The following DIP2C variants were observed in gnomAD, a reference collection of about 807,000 sequenced individuals.
DIP2C encodes disco-interacting protein 2 homolog C.
Under a neutral mutation model 192.4 loss-of-function variants are expected in DIP2C, and 33 were observed. That is an observed-to-expected ratio of 0.17 (90% CI 0.13 to 0.23). The LOEUF (loss-of-function observed/expected upper bound fraction) is 0.23, where lower values mean the gene tolerates loss of function less well. DIP2C is among the 10% of genes least tolerant of loss of function. The pLI is 1.00. For synonymous variants in DIP2C, 979 were observed against 864.1 expected, an observed-to-expected ratio of 1.13 and a Z score of -2.33; for missense variants, 1,537 against 2,110.1, an observed-to-expected ratio of 0.73 and a Z score of 5.32.
chr10:567,933 A>G (rs1849546931), intron 1 of DIP2C, among the ~76,000 whole-genome samples: 1 of 152,124 alleles, frequency 6.6e-6, no homozygotes, highest in African/African-American at 2.4e-5. Context: ...CCTGGCCGAG[A>G]AGTGTTTGAT....
At chr10:510,177 A>AC (rs1049727934) in intron 1 of DIP2C, among the ~76,000 whole-genome samples, 3 of 152,150 alleles carry the variant, frequency 2.0e-5, no homozygotes, top group African/African-American at 7.2e-5. Context: ...CCTGGGGGCT[A>AC]CCCCACTTTA....
chr10:640,462 CCTCGGACTCTG>C (rs923142838), intron 1 of DIP2C, among the ~76,000 whole-genome samples: 2 of 152,198 alleles, frequency 1.3e-5, no homozygotes, highest in Non-Finnish European at 2.9e-5. Flanking sequence ...GCCCTGACAG[CCTCGGACTCTG>C]CTCCCCTCTG....
At chr10:343,825 T>C (rs746719828) in intron 28 of DIP2C, among the ~76,000 whole-genome samples, 1 of 152,136 alleles carries the variant, frequency 6.6e-6, no homozygotes, top group Non-Finnish European at 1.5e-5. Flanking sequence ...CGAGAGCTTG[T>C]GATCAGACAC....
chr10:567,747 C>T (rs937405618), intron 1 of DIP2C, among the ~76,000 whole-genome samples: 3 of 152,194 alleles, frequency 2.0e-5, no homozygotes, highest in African/African-American at 4.8e-5. Context: ...AAGGGATCCT[C>T]CTGCCTCAGC....
At chr10:373,900 T>C (rs1961271124) in intron 17 of DIP2C, among the ~76,000 whole-genome samples, 2 of 152,254 alleles carry the variant, frequency 1.3e-5, no homozygotes, top group African/African-American at 4.8e-5. Flanking sequence ...ATAAATAGTC[T>C]GGGCTTCCAG....
intron 1 of DIP2C, among the ~76,000 whole-genome samples, chr10:653,853 T>C (rs2132027729): frequency 6.6e-6 from 1 of 152,344 alleles, no homozygotes; most frequent in Admixed American, 6.5e-5. Flanking sequence ...AAGTTCTCTT[T>C]GTAACAGACT....
At chr10:291,489 A>G (rs1373046484) in intron 32 of DIP2C, among the ~76,000 whole-genome samples, 1 of 152,254 alleles carries the variant, frequency 6.6e-6, no homozygotes, top group Admixed American at 6.5e-5. Context: ...GCTACCCCGT[A>G]TCTAAGGGCA....
intron 18 of DIP2C, 98 bp downstream of exon 18, chr10:369,396 A>T: frequency 7.0e-7 from 1 of 1,435,808 alleles, no homozygotes; most frequent in African/African-American, 1.4e-5. Context: ...AGGGCACACC[A>T]CGGGAACGCG....
intron 1 of DIP2C, among the ~76,000 whole-genome samples, chr10:535,817 G>A (rs1307851266): frequency 2.0e-5 from 3 of 152,158 alleles, no homozygotes; most frequent in East Asian, 1.9e-4. Flanking sequence ...CAGGAAATAC[G>A]ACACCTTGGG....
At chr10:556,570 C>G (rs1360326363) in intron 1 of DIP2C, among the ~76,000 whole-genome samples, 2 of 151,222 alleles carry the variant, frequency 1.3e-5, no homozygotes, top group African/African-American at 4.9e-5. Context: ...CCTCACAGAC[C>G]CAGTCACTCC....
At chr10:546,086 G>A (rs752432269) in intron 1 of DIP2C, among the ~76,000 whole-genome samples, 21 of 151,938 alleles carry the variant, frequency 1.4e-4, no homozygotes, top group African/African-American at 4.3e-4. Context: ...GTTCCAGACC[G>A]GCCTGACCAA....
intron 2 of DIP2C, among the ~76,000 whole-genome samples, chr10:483,293 A>G (rs1843743601): frequency 6.7e-6 from 1 of 149,638 alleles, no homozygotes; most frequent in Non-Finnish European, 1.5e-5. Flanking sequence ...ACAGGGGAAC[A>G]AGAAAGAAAG....
intron 32 of DIP2C, among the ~76,000 whole-genome samples, chr10:307,792 G>C (rs1460122525): frequency 6.6e-6 from 1 of 152,000 alleles, no homozygotes; most frequent in African/African-American, 2.4e-5. Flanking sequence ...GGTCCATCTG[G>C]AGGGCAGCAG....
chr10:680,854 C>T (rs1831103211), intron 1 of DIP2C, among the ~76,000 whole-genome samples: 1 of 152,204 alleles, frequency 6.6e-6, no homozygotes, highest in African/African-American at 2.4e-5. Context: ...GAGGACCTGA[C>T]ACATGGTGCA....
chr10:478,609 G>C (rs1001906566), intron 2 of DIP2C, among the ~76,000 whole-genome samples: 7 of 150,814 alleles, frequency 4.6e-5, no homozygotes, highest in African/African-American at 1.7e-4. Flanking sequence ...TGGGGCTGCA[G>C]ACACATCCAA....
chr10:453,575 C>T (rs1969030921), intron 3 of DIP2C, among the ~76,000 whole-genome samples: 1 of 152,158 alleles, frequency 6.6e-6, no homozygotes, highest in South Asian at 2.1e-4. Context: ...AGGATACTTC[C>T]ACTTAGGGAG....
At chr10:577,076 T>G (rs1472981734) in intron 1 of DIP2C, among the ~76,000 whole-genome samples, 2 of 152,228 alleles carry the variant, frequency 1.3e-5, no homozygotes, top group African/African-American at 4.8e-5. Context: ...ATGTTTACAT[T>G]TGAACACACC....
chr10:459,464 C>CA (rs1322134910), intron 3 of DIP2C, among the ~76,000 whole-genome samples: 1 of 152,234 alleles, frequency 6.6e-6, no homozygotes, highest in Non-Finnish European at 1.5e-5. Context: ...CATGCATGCT[C>CA]ACACATGGAA....
chr10:564,416 C>A (rs573217534), intron 1 of DIP2C, among the ~76,000 whole-genome samples: 4 of 152,304 alleles, frequency 2.6e-5, no homozygotes, highest in South Asian at 2.1e-4. Context: ...GCCTTCACTG[C>A]CTGACGTCCA....
Sources: gnomAD v4.1 joint callset for allele counts (sites outside exome capture counted in the v4.1 genomes callset) on GRCh38, gnomAD v4.1.1 for gene constraint, MANE v1.5 for transcripts, NCBI Gene and HGNC (gene_info 2026-07-23, HGNC 2026-07-21) for gene names.